Variants in GRM7 observed in about 807,000 individuals in gnomAD.
The protein encoded by GRM7 is metabotropic glutamate receptor 7.
GRM7 carries 35 observed loss-of-function variants against 84.5 expected under a neutral mutation model. The observed-to-expected ratio is 0.41, with a 90% CI of 0.32 to 0.55. The LOEUF is 0.55. GRM7 is among the 20% of genes least tolerant of loss of function. The pLI is 0.19. For missense variants in GRM7, 1,003 were observed against 1,194.6 expected (o/e 0.84, Z 2.36); for synonymous variants, 487 against 455.1 (o/e 1.07, Z -0.89).
intron 2 of GRM7, among the ~76,000 whole-genome samples, chr3:7,267,777 C>T (rs2124971738): frequency 6.6e-6 from 1 of 152,314 alleles, no homozygotes; most frequent in South Asian, 2.1e-4. Context: ...GCTGGTGTCT[C>T]ATTGTCTGGA....
chr3:7,304,606 G>A (rs1432481942), intron 3 of GRM7, among the ~76,000 whole-genome samples: 1 of 151,694 alleles, frequency 6.6e-6, no homozygotes, highest in Non-Finnish European at 1.5e-5. Context: ...TTCTTGGGTT[G>A]ATTATTGGTA....
intron 9 of GRM7, among the ~76,000 whole-genome samples, chr3:7,701,432 C>G (rs1701223852): frequency 6.6e-6 from 1 of 151,652 alleles, no homozygotes; most frequent in Non-Finnish European, 1.5e-5. Flanking sequence ...TCCTGAGTAG[C>G]TGGGACTACA....
intron 5 of GRM7, among the ~76,000 whole-genome samples, chr3:7,444,158 C>T (rs1697409029): frequency 6.6e-6 from 1 of 152,106 alleles, no homozygotes; most frequent in Non-Finnish European, 1.5e-5. Flanking sequence ...TCATGAATGT[C>T]CTGAAAGTTC....
At chr3:7,297,516 T>G (rs1458343521) in intron 2 of GRM7, among the ~76,000 whole-genome samples, 1 of 152,204 alleles carries the variant, frequency 6.6e-6, no homozygotes, top group Non-Finnish European at 1.5e-5. Context: ...GTGTTTATAT[T>G]TTAAAGAAGG....
chr3:7,227,460 G>T (rs1697020176), intron 2 of GRM7, among the ~76,000 whole-genome samples: 1 of 152,160 alleles, frequency 6.6e-6, no homozygotes, highest in Admixed American at 6.5e-5. Context: ...TAGCCACAAT[G>T]AGCTCAGAGA....
At chr3:7,103,027 C>A (rs1699167040) in intron 1 of GRM7, among the ~76,000 whole-genome samples, 1 of 151,788 alleles carries the variant, frequency 6.6e-6, no homozygotes, top group South Asian at 2.1e-4. Context: ...GCTAATGCAA[C>A]AACTGGGTAA....
chr3:7,501,244 T>G (rs1282010267), intron 7 of GRM7, among the ~76,000 whole-genome samples: 1 of 152,336 alleles, frequency 6.6e-6, no homozygotes, highest in East Asian at 1.9e-4. Flanking sequence ...TTGCCTTTGA[T>G]GAAAATGATT....
intron 9 of GRM7, chr3:7,686,241 C>T: frequency 1.8e-6 from 1 of 559,434 alleles, no homozygotes; most frequent in South Asian, 2.8e-5. Context: ...AAAGAGTGGG[C>T]ATGATGTGTA....
At chr3:7,542,617 G>A (rs115882787) in intron 7 of GRM7, among the ~76,000 whole-genome samples, 5,529 of 144,670 alleles carry the variant, frequency 0.038, 126 homozygotes, top group Non-Finnish European at 0.045. Flanking sequence ...ACACAATCTT[G>A]GCTCACTGCA....
chr3:7,377,889 A>C (rs558869500), intron 4 of GRM7, among the ~76,000 whole-genome samples: 40 of 152,330 alleles, frequency 2.6e-4, no homozygotes, highest in African/African-American at 8.9e-4. Flanking sequence ...AGTGCTAAAA[A>C]GCCTTTGCAA....
chr3:7,349,193 A>G (rs1693024188), intron 4 of GRM7, among the ~76,000 whole-genome samples: 2 of 151,620 alleles, frequency 1.3e-5, no homozygotes, highest in South Asian at 4.2e-4. Flanking sequence ...GAACATTTTT[A>G]CTCCTTTTCC....
chr3:7,135,587 G>A (rs367760947), intron 1 of GRM7, among the ~76,000 whole-genome samples: 26 of 152,112 alleles, frequency 1.7e-4, no homozygotes, highest in Non-Finnish European at 2.9e-4. Context: ...AACCACATTC[G>A]CCTTCCAAAA....
intron 2 of GRM7, among the ~76,000 whole-genome samples, chr3:7,259,955 T>TTTTTTTTTTTTG (rs1177759900): frequency 1.6e-4 from 24 of 146,336 alleles, no homozygotes; most frequent in Non-Finnish European, 3.1e-4. Context: ...CAGCATCTGT[T>TTTTTTTTTTTTG]TTTTTTTTTT....
intron 8 of GRM7, among the ~76,000 whole-genome samples, chr3:7,668,633 G>T (rs1699799260): frequency 6.6e-6 from 1 of 152,212 alleles, no homozygotes; most frequent in South Asian, 2.1e-4. Context: ...AAACTGGGTG[G>T]GGTAGAAGAA....
chr3:7,008,143 GT>G (rs1695245840), intron 1 of GRM7, among the ~76,000 whole-genome samples: 1 of 151,720 alleles, frequency 6.6e-6, no homozygotes, highest in African/African-American at 2.4e-5. Context: ...TCCTCTATTG[GT>G]GTCCTTTGGC....
At chr3:7,156,816 C>T (rs563523366) in intron 2 of GRM7, among the ~76,000 whole-genome samples, 15 of 152,126 alleles carry the variant, frequency 9.9e-5, no homozygotes, top group South Asian at 2.1e-4. Flanking sequence ...TTTTAATCAA[C>T]GTGAATTTTT....
chr3:7,108,403 T>G (rs868444741), intron 1 of GRM7, among the ~76,000 whole-genome samples: 13 of 152,206 alleles, frequency 8.5e-5, no homozygotes, highest in Admixed American at 1.3e-4. Context: ...ACAGGTCCAC[T>G]ACCATGGCTC....
chr3:6,988,293 TCCACTGCGCCCAGCC>T (rs1559369597), intron 1 of GRM7, among the ~76,000 whole-genome samples: 27 of 149,710 alleles, frequency 1.8e-4, no homozygotes, highest in African/African-American at 6.4e-4. Context: ...ACAGGCGTGA[TCCACTGCGCCCAGCC>T]CACCTCTAGC....
In GRM7 at chr3:6,949,930, C is replaced by T. The variant is rs138877105; in HGVS notation, c.519+88023C>T. On this transcript the variant is annotated intron_variant, in intron 1 of 9. Transcript: ENST00000357716. ...ATCAGTTCCTTTAACGACTTCTCTG[C>T]ATTGGTTATTCTAGTTATCCATTCG... is the stretch of plus-strand genomic sequence containing the variant. Among the ~76,000 whole-genome samples, 750 of 152,290 alleles carry T rather than the reference C, an allele frequency of 4.9e-3. 5 individuals are homozygous for T. Among genetic ancestry groups the T allele is most frequent in the Non-Finnish European group, 8.3e-3 (564 of 68,024 alleles).
Sources: allele counts gnomAD v4.1 joint callset (sites outside exome capture counted in the v4.1 genomes callset), GRCh38; gene constraint gnomAD v4.1.1; transcripts MANE v1.5; gene names NCBI Gene and HGNC (gene_info 2026-07-23, HGNC 2026-07-21).